BTAF1: variants seen among roughly 807,000 people sequenced by gnomAD.
The protein encoded by BTAF1 is TATA-binding protein-associated factor 172.
A neutral mutation model predicts 227.1 loss-of-function variants in BTAF1; 38 were observed. That is an observed-to-expected ratio of 0.17 (90% confidence interval 0.13 to 0.22). The LOEUF is 0.22. BTAF1 is among the 10% of genes least tolerant of loss of function. The pLI is 1.00. For missense variants in BTAF1, 1,598 were observed against 2,204.0 expected (o/e 0.73, Z 5.51); for synonymous variants, 742 against 751.9 (o/e 0.99, Z 0.21).
At chr10:91,952,947 T>C (rs1845865966) in intron 5 of BTAF1, among the ~76,000 whole-genome samples, 2 of 152,166 alleles carry the variant, frequency 1.3e-5, no homozygotes, top group South Asian at 4.1e-4. Context: ...TCAGATTAAT[T>C]GGGTGCGGGA....
At chr10:91,978,364 C>T (rs567848872) in intron 14 of BTAF1, among the ~76,000 whole-genome samples, 1 of 151,850 alleles carries the variant, frequency 6.6e-6, no homozygotes, top group African/African-American at 2.4e-5. Context: ...GGTTGAGGGT[C>T]GGGGAACAGA....
chr10:91,972,548 A>AT (rs1233999580), intron 14 of BTAF1, among the ~76,000 whole-genome samples: 1 of 152,178 alleles, frequency 6.6e-6, no homozygotes, highest in East Asian at 1.9e-4. Flanking sequence ...AACTCATTTA[A>AT]TTTTTATTGT....
In BTAF1 at chr10:91,953,817, G is replaced by T; in HGVS notation, c.645G>T (p.Met215Ile). The T allele has an allele frequency of 6.2e-7, 1 of 1,613,958 alleles. No individual in the cohort carries two copies. Residue 215 changes from methionine to isoleucine, a missense_variant, in exon 6 of 38, where the codon ATG becomes ATT. By Grantham distance (10) the Met-to-Ile change is conservative. Coordinates refer to ENST00000265990, the MANE Select transcript of BTAF1 (RefSeq NM_003972.3). ...SNRQKNKAKR[M>I]AKLFAKQRSR... ...GACAAAAGAACAAAGCTAAAAGAAT[G>T]GCCAAGTTATTTGCAAAACAGAGAT...
chr10:91,975,350 T>G (rs1847609631), intron 14 of BTAF1, among the ~76,000 whole-genome samples: 2 of 152,242 alleles, frequency 1.3e-5, no homozygotes, highest in Admixed American at 1.3e-4. Context: ...ACCAAAAGAA[T>G]AGCCTGAACT....
intron 8 of BTAF1, 97 bp downstream of exon 8, chr10:91,957,390 T>A: frequency 1.0e-6 from 1 of 976,930 alleles, no homozygotes; most frequent in Non-Finnish European, 1.5e-6. Context: ...GTCCCTATTC[T>A]TCTCTGTTTG....
chr10:92,013,102 A>T (rs529156143), intron 30 of BTAF1, among the ~76,000 whole-genome samples: 1 of 152,312 alleles, frequency 6.6e-6, no homozygotes, highest in Admixed American at 6.5e-5. Context: ...TTAAAGGGGA[A>T]GGTGGGTAAA....
Position 92,025,054 on chromosome 10 carries a change from A to C in BTAF1, c.5075+87A>C, listed in dbSNP as rs982532042. 9.6e-6 allele frequency: 11 copies of C among 1,139,952 alleles called. No individual in the cohort carries two copies. The African/African-American group carries it at 1.7e-4, about 18-fold the overall frequency. The allele number at this position is 1,139,952 out of a possible 1,614,324, so 70.6% of individuals were successfully genotyped here. ...CCCCATGAAATATTTTCATTGGCTAAATATCTGCAAATGCATTTTTTTAAT... is the reference window on the plus strand; with the variant it reads ...CCCCATGAAATATTTTCATTGGCTACATATCTGCAAATGCATTTTTTTAAT... On this transcript the variant is annotated intron_variant, in intron 35 of 37. Transcript: ENST00000265990.
intron 24 of BTAF1, among the ~76,000 whole-genome samples, 197 bp downstream of exon 24, chr10:91,996,767 G>C (rs1204759255): frequency 6.6e-6 from 1 of 152,018 alleles, no homozygotes; most frequent in East Asian, 1.9e-4. Context: ...TGCATTTTAT[G>C]ATAAAAATTT....
intron 19 of BTAF1, among the ~76,000 whole-genome samples, chr10:91,988,521 T>C (rs1307678512): frequency 6.6e-6 from 1 of 152,246 alleles, no homozygotes; most frequent in African/African-American, 2.4e-5. Flanking sequence ...GCTTGCAAAG[T>C]AGTCTGGTAC....
intron 18 of BTAF1, among the ~76,000 whole-genome samples, chr10:91,983,400 T>G (rs1848194605): frequency 6.6e-6 from 1 of 152,238 alleles, no homozygotes; most frequent in Non-Finnish European, 1.5e-5. Context: ...CTGTGAGAGT[T>G]ACTTGTTACT....
intron 14 of BTAF1, among the ~76,000 whole-genome samples, chr10:91,967,536 A>C (rs1847007727): frequency 6.6e-6 from 1 of 152,196 alleles, no homozygotes; most frequent in Non-Finnish European, 1.5e-5. Context: ...CTGGATTCTC[A>C]TGTGAATTAG....
Position 91,996,490 on chromosome 10 carries a change from T to A in BTAF1, c.3431T>A (p.Ile1144Asn), listed in dbSNP as rs368851377. Reference sequence around the variant, plus strand: ...ATAGCTACCATGGAAACAATGAATATTTTTTTGGAGAAGGTTCTTCCGTGG... The same window carrying A: ...ATAGCTACCATGGAAACAATGAATAATTTTTTGGAGAAGGTTCTTCCGTGG... ...SKIATMETMN[I>N]FLEKVLPWLG... The change falls in exon 24 of 38, where the codon ATT (isoleucine) becomes AAT (asparagine). Residue 1144 changes from isoleucine to asparagine, a missense_variant. Physicochemically the swap from Ile to Asn is moderately radical, Grantham distance 149. This residue lies in a region of BTAF1 where 425 missense variants were observed against 491.2 expected (regional missense o/e 0.87). Coordinates refer to ENST00000265990, the MANE Select transcript of BTAF1 (RefSeq NM_003972.3). The A allele has an allele frequency of 1.2e-6, 2 of 1,613,942 alleles. No individual in the cohort carries two copies. Among genetic ancestry groups the A allele is most frequent in the African/African-American group, 2.7e-5 (2 of 74,902 alleles).
In BTAF1 at chr10:92,029,385, A is replaced by G. The variant is rs1321101839; in HGVS notation, c.*452A>G. On this transcript the variant is annotated 3_prime_UTR_variant, in exon 38 of 38. Transcript: ENST00000265990. ...CTTAATGAGCCATAATTTTAAGAATATAAGAATAATGACTATGATATTGGT... is the reference window on the plus strand; with the variant it reads ...CTTAATGAGCCATAATTTTAAGAATGTAAGAATAATGACTATGATATTGGT... 2 of 152,592 alleles carry G rather than the reference A, an allele frequency of 1.3e-5. No homozygotes were observed. Among genetic ancestry groups the G allele is most frequent in the African/African-American group, 4.8e-5 (2 of 41,428 alleles). 9.5% of individuals were successfully genotyped at this position (152,592 alleles called of 1,614,324 possible).
chr10:91,961,078 C>T (rs548815747), intron 11 of BTAF1, among the ~76,000 whole-genome samples: 72 of 152,218 alleles, frequency 4.7e-4, no homozygotes, highest in East Asian at 7.7e-4. Context: ...GCTTCTCCAC[C>T]ATAGATCTAG....
At position 91,992,105 on chromosome 10, in the gene BTAF1, T is replaced by A; in HGVS notation, c.2855-14T>A. 2 of 1,544,716 alleles carry A rather than the reference T, an allele frequency of 1.3e-6. No individual in the cohort carries two copies. Among genetic ancestry groups the A allele is most frequent in the East Asian group, 4.6e-5 (2 of 43,826 alleles). On this transcript the variant is annotated splice_polypyrimidine_tract_variant and intron_variant, in intron 20 of 37. Transcript: ENST00000265990. ...TATTATGATTAAAAGGTTGTTTAAC[T>A]TTTTTCTTATTAGGATCCACCTCAG...
chr10:92,021,248 G>A (rs538863164), intron 34 of BTAF1, among the ~76,000 whole-genome samples: 1 of 152,118 alleles, frequency 6.6e-6, no homozygotes, highest in Non-Finnish European at 1.5e-5. Flanking sequence ...AATTCCAGGA[G>A]GCTGTAATGA....
At chr10:92,008,699 A>T in intron 26 of BTAF1, 130 bp from the exon 27 acceptor site, 1 of 865,906 alleles carries the variant, frequency 1.2e-6, no homozygotes, top group Non-Finnish European at 1.7e-6. Flanking sequence ...TTAGTGTCTT[A>T]TACCCATTTA....
chr10:92,001,168 A>G (rs1428014139), intron 25 of BTAF1, among the ~76,000 whole-genome samples: 4 of 152,210 alleles, frequency 2.6e-5, no homozygotes, highest in Non-Finnish European at 4.4e-5. Context: ...TAGCACAGAG[A>G]AGGGAAACCC....
intron 6 of BTAF1, among the ~76,000 whole-genome samples, chr10:91,954,318 A>G (rs1845948204): frequency 6.6e-6 from 1 of 152,158 alleles, no homozygotes; most frequent in Non-Finnish European, 1.5e-5. Context: ...TTGTCACGAT[A>G]TTACCTCACC....
Sources: gnomAD v4.1 joint callset for allele counts (sites outside exome capture counted in the v4.1 genomes callset) on GRCh38, gnomAD v4.1.1 for gene constraint, gnomAD v4.1.1 regional missense constraint, MANE v1.5 for transcripts, NCBI Gene and HGNC (gene_info 2026-07-23, HGNC 2026-07-21) for gene names.